TFCP2: variants seen among roughly 807,000 people sequenced by gnomAD.
The protein encoded by TFCP2 is alpha-globin transcription factor CP2.
In TFCP2, 33 loss-of-function variants were observed where a neutral mutation model predicts 73.4. The ratio of observed to expected loss-of-function variants is 0.45; its 90% CI spans 0.34 to 0.60. The LOEUF (loss-of-function observed/expected upper bound fraction) is 0.60, where lower values mean the gene tolerates loss of function less well. TFCP2 is among the 20% of genes least tolerant of loss of function. The probability of loss-of-function intolerance (pLI) is 0.01; values close to 1 mark genes in which losing one functional copy is unlikely to be tolerated. For missense variants in TFCP2, 352 were observed against 604.0 expected, an observed-to-expected ratio of 0.58 and a Z score of 4.37; for synonymous variants, 193 against 211.6, an observed-to-expected ratio of 0.91 and a Z score of 0.76.
At chr12:51,138,643 A>AG (rs2137012282) in intron 1 of TFCP2, among the ~76,000 whole-genome samples, 1 of 151,948 alleles carries the variant, frequency 6.6e-6, no homozygotes, top group African/African-American at 2.4e-5. Flanking sequence ...TTTGAGACCA[A>AG]GTTTCGCTCT....
chr12:51,148,446 T>C (rs372179621), intron 1 of TFCP2, among the ~76,000 whole-genome samples: 12 of 152,328 alleles, frequency 7.9e-5, no homozygotes, highest in African/African-American at 2.9e-4. Context: ...CCCACACCTG[T>C]AATCCCAGCA....
At chr12:51,111,579 G>C (rs1380552648) in intron 4 of TFCP2, among the ~76,000 whole-genome samples, 1 of 152,152 alleles carries the variant, frequency 6.6e-6, no homozygotes, top group African/African-American at 2.4e-5. Context: ...TATTTGGCCA[G>C]GCACGGTGGC....
intron 1 of TFCP2, chr12:51,124,915 C>A (rs1229316048): frequency 1.1e-6 from 1 of 888,160 alleles, no homozygotes; most frequent in Non-Finnish European, 1.9e-6. Flanking sequence ...AAGGACACGT[C>A]GTCCAGGATG....
chr12:51,111,801 C>A (rs1940407500), intron 4 of TFCP2, among the ~76,000 whole-genome samples: 1 of 151,654 alleles, frequency 6.6e-6, no homozygotes, highest in Admixed American at 6.6e-5. Flanking sequence ...TTGCAGTGAG[C>A]CGGAGATCGA....
intron 4 of TFCP2, among the ~76,000 whole-genome samples, chr12:51,112,608 T>G (rs1050270241): frequency 6.6e-6 from 1 of 152,158 alleles, no homozygotes; most frequent in Non-Finnish European, 1.5e-5. Flanking sequence ...GGCTCACGCC[T>G]GCAATCCCAG....
intron 13 of TFCP2, among the ~76,000 whole-genome samples, chr12:51,096,933 C>T (rs1274416222): frequency 6.6e-6 from 1 of 150,808 alleles, no homozygotes; most frequent in Non-Finnish European, 1.5e-5. Flanking sequence ...CGAACTCATT[C>T]ATAGATATAC....
chr12:51,100,686 G>A (rs1050913240), intron 11 of TFCP2, among the ~76,000 whole-genome samples: 4 of 152,150 alleles, frequency 2.6e-5, no homozygotes, highest in Non-Finnish European at 4.4e-5. Context: ...GTGGTGGTGC[G>A]TGCCTGTAGT....
intron 5 of TFCP2, 97 bp from the exon 6 acceptor site, chr12:51,109,370 G>A (rs1183951748): frequency 2.3e-6 from 3 of 1,287,042 alleles, no homozygotes; most frequent in East Asian, 2.4e-5. Flanking sequence ...ACCTTTACCA[G>A]GCATTATGAA....
At chr12:51,124,734 T>C in intron 1 of TFCP2, 1 of 715,524 alleles carries the variant, frequency 1.4e-6, no homozygotes, top group Non-Finnish European at 2.6e-6. Context: ...GGAGTCGCCC[T>C]CAGCAGAGAT....
intron 1 of TFCP2, among the ~76,000 whole-genome samples, chr12:51,157,408 TG>T (rs1941559656): frequency 1.3e-5 from 2 of 152,060 alleles, no homozygotes; most frequent in South Asian, 4.1e-4. Context: ...CTTGAATTCC[TG>T]GACTAAAGCA....
intron 4 of TFCP2, 86 bp from the exon 5 acceptor site, chr12:51,111,069 G>A: frequency 1.1e-6 from 1 of 908,140 alleles, no homozygotes; most frequent in Non-Finnish European, 1.8e-6. Context: ...ATTACTCAAT[G>A]TAGCTACCAA....
chr12:51,111,053 T>C, intron 4 of TFCP2, 70 bp from the exon 5 acceptor site: 2 of 1,068,266 alleles, frequency 1.9e-6, no homozygotes, highest in South Asian at 2.5e-5. Context: ...AAGCATTGAT[T>C]CTTATATTAC....
rs1266738599 is a variant in TFCP2 at position 51,094,010 on chromosome 12, C to CAA, written c.*1229_*1230dup. The CAA allele has an allele frequency of 5.9e-4, 89 of 150,774 alleles. 1 individual carries two copies. Among genetic ancestry groups the CAA allele is most frequent in the African/African-American group, 2.1e-3 (86 of 40,844 alleles). 9.3% of individuals were successfully genotyped at this position (150,774 alleles called of 1,614,324 possible). On this transcript the variant is annotated 3_prime_UTR_variant, in exon 15 of 15. Transcript: ENST00000257915. ...TTACACACACACACACACACACACA[C>CAA]AATCATTCTTAAGGAAGAACAAAAA...
intron 6 of TFCP2, among the ~76,000 whole-genome samples, chr12:51,107,893 C>T (rs1369352120): frequency 6.6e-6 from 1 of 151,702 alleles, no homozygotes; most frequent in Non-Finnish European, 1.5e-5. Flanking sequence ...CATGAGCCAC[C>T]GTGCCTAGCC....
chr12:51,104,832 C>T (rs1216033511), intron 8 of TFCP2, among the ~76,000 whole-genome samples: 1 of 151,700 alleles, frequency 6.6e-6, no homozygotes, highest in Non-Finnish European at 1.5e-5. Flanking sequence ...CTGCCTCAGC[C>T]TACCGAGTAG....
In TFCP2 at chr12:51,160,133, ATTT is replaced by A. The variant is rs372316760; in HGVS notation, c.122+12165_122+12167del. Among the ~76,000 whole-genome samples, 809 of 126,340 alleles carry A rather than the reference ATTT, an allele frequency of 6.4e-3. 2 individuals carry two copies. Among genetic ancestry groups the A allele is most frequent in the African/African-American group, 0.021 (699 of 33,020 alleles). The allele number at this position is 126,340 out of a possible 152,430, so 82.9% of individuals were successfully genotyped here. A position where few individuals can be genotyped will look rare whatever the true frequency, so the allele number is the denominator to read the frequency against. On this transcript the variant is annotated intron_variant, in intron 1 of 14. Transcript: ENST00000257915. ...ATCAACTTCCCAGAATCCTCTCTGA[ATTT>A]TTTTTTTTTTTTTTTTTGAGACGGA...
chr12:51,170,817 T>C (rs184180928), intron 1 of TFCP2, among the ~76,000 whole-genome samples: 149 of 152,178 alleles, frequency 9.8e-4, no homozygotes, highest in African/African-American at 3.5e-3. Context: ...TAGCTGGGAT[T>C]ACAGGCGTGC....
intron 1 of TFCP2, among the ~76,000 whole-genome samples, chr12:51,131,101 G>A (rs901074832): frequency 9.9e-5 from 15 of 151,774 alleles, no homozygotes; most frequent in African/African-American, 2.4e-4. Context: ...AGGCCGAGGC[G>A]GGCGGATCAC....
At chr12:51,110,762 A>G in intron 5 of TFCP2, 115 bp downstream of exon 5, 2 of 739,774 alleles carry the variant, frequency 2.7e-6, no homozygotes, top group Non-Finnish European at 4.5e-6. Context: ...TGGGCTTGAC[A>G]GTCAGGCTAG....
Sources: gnomAD v4.1 joint callset for allele counts (sites outside exome capture counted in the v4.1 genomes callset) on GRCh38, gnomAD v4.1.1 for gene constraint, MANE v1.5 for transcripts, NCBI Gene and HGNC (gene_info 2026-07-23, HGNC 2026-07-21) for gene names.